Variants in EVA1C observed in about 807,000 individuals in gnomAD.
EVA1C encodes protein eva-1 homolog C.
Under a neutral mutation model 45.4 loss-of-function variants are expected in EVA1C, and 25 were observed. That is an observed-to-expected ratio of 0.55 (90% CI 0.40 to 0.77). EVA1C has a LOEUF of 0.77. Among genes scored for constraint, EVA1C ranks in the 30% least tolerant of loss-of-function variants. EVA1C has a pLI of 0.00. For missense variants in EVA1C, 479 were observed against 554.8 expected (o/e 0.86, Z 1.37); for synonymous variants, 190 against 221.2 (o/e 0.86, Z 1.25).
chr21:32,412,805 C>A lies in EVA1C; in HGVS notation c.-49C>A. 7.5e-7 allele frequency: 1 copy of A among 1,339,464 alleles called. No homozygotes were observed. The highest frequency in any genetic ancestry group is 9.5e-7 in the Non-Finnish European group (1 of 1,051,774). The allele number at this position is 1,339,464 out of a possible 1,614,324, so 83.0% of individuals were successfully genotyped here. ...TGTGACGCCGTCCTTAGCCCTGCGA[C>A]CCCCAGCGCGTCCCGGGCCTGCGCC... On this transcript the variant is annotated 5_prime_UTR_variant, in exon 1 of 8. Coordinates refer to ENST00000300255, the MANE Select transcript of EVA1C (RefSeq NM_058187.5).
At chr21:32,436,447 T>C (rs147566872) in intron 1 of EVA1C, among the ~76,000 whole-genome samples, 1 of 140,252 alleles carries the variant, frequency 7.1e-6, no homozygotes, top group East Asian at 2.1e-4. Flanking sequence ...TAAGGAAGAA[T>C]TGAAAGGAAA....
At chr21:32,512,793 C>T (rs1403671491) in intron 7 of EVA1C, among the ~76,000 whole-genome samples, 1 of 151,920 alleles carries the variant, frequency 6.6e-6, no homozygotes, top group African/African-American at 2.4e-5. Context: ...GAGTTGTGGC[C>T]CACCTTGAAA....
chr21:32,442,468 C>T (rs1182487040), intron 1 of EVA1C, among the ~76,000 whole-genome samples: 1 of 152,148 alleles, frequency 6.6e-6, no homozygotes, highest in Non-Finnish European at 1.5e-5. Flanking sequence ...GGACCCCTGA[C>T]TCATGGCTCC....
chr21:32,412,083 T>C (rs1164010747), upstream of EVA1C: 1 of 152,220 alleles, frequency 6.6e-6, no homozygotes, highest in Non-Finnish European at 1.5e-5. Context: ...AGATCCCGGC[T>C]CCGGAGCCAT....
At chr21:32,438,702 A>C (rs2035061161) in intron 1 of EVA1C, among the ~76,000 whole-genome samples, 1 of 152,094 alleles carries the variant, frequency 6.6e-6, no homozygotes, top group Non-Finnish European at 1.5e-5. Flanking sequence ...AAGTAGGTGA[A>C]TTTGCAGCTA....
intron 1 of EVA1C, among the ~76,000 whole-genome samples, chr21:32,444,340 G>A (rs138776156): frequency 1.5e-3 from 226 of 152,232 alleles, no homozygotes; most frequent in African/African-American, 4.7e-3. Flanking sequence ...CTGGGCCTCC[G>A]GAACTTCTGA....
rs147725577 is a variant in EVA1C, at chr21:32,498,314, C to T, written c.779-3101C>T. The stretch of plus-strand genomic sequence containing the variant: ...ATACAAAATTATCTGGGCATGATGG[C>T]GCATGCCTGTAATCCCAGCTACTTG... On this transcript the variant is annotated intron_variant, in intron 5 of 7. Transcript: ENST00000300255. Among the ~76,000 whole-genome samples, 109 of 152,060 alleles carry T rather than the reference C, an allele frequency of 7.2e-4. 2 individuals carry two copies. Among genetic ancestry groups the T allele is most frequent in the African/African-American group, 2.4e-3 (99 of 41,488 alleles).
At chr21:32,476,589 C>G in intron 4 of EVA1C, among the ~76,000 whole-genome samples, 2 of 152,092 alleles carry the variant, frequency 1.3e-5, no homozygotes, top group African/African-American at 4.8e-5. Context: ...TGTGGTGAGC[C>G]GAGATCGCGC....
chr21:32,470,795 G>A lies in EVA1C; in HGVS notation c.634+2947G>A, dbSNP rs377072316. On this transcript the variant is annotated intron_variant, in intron 4 of 7. Transcript: ENST00000300255. ...TTTTTTTGAGATGGAGTCTCCCTCT[G>A]TTGCCCAGGCTGGAGTGCAATGGTG... Among the ~76,000 whole-genome samples the A allele has an allele frequency of 4.1e-4, 61 of 147,404 alleles. No homozygotes were observed. In the East Asian group the frequency reaches 8.2e-3, roughly 20 times the overall value.
rs1568923890 is a variant in EVA1C at position 32,475,365 on chromosome 21, AT to A, written c.634+7518del. The stretch of plus-strand genomic sequence containing the variant: ...TATCATCATCATCATCATCATCATC[AT>A]CATTTTTATTGTTCTGCACAAACAC... On this transcript the variant is annotated intron_variant, in intron 4 of 7. Transcript: ENST00000300255. Among the ~76,000 whole-genome samples, 15 of 151,558 alleles carry A rather than the reference AT, an allele frequency of 9.9e-5. No individual in the cohort carries two copies. In the South Asian group the frequency reaches 3.2e-3, roughly 32 times the overall value.
chr21:32,436,311 C>T (rs2034949836), intron 1 of EVA1C, among the ~76,000 whole-genome samples: 1 of 152,206 alleles, frequency 6.6e-6, no homozygotes, highest in African/African-American at 2.4e-5. Flanking sequence ...ATCCACCCGC[C>T]TCGGCCTCCC....
At chr21:32,491,224 G>A (rs1427688756) in intron 4 of EVA1C, among the ~76,000 whole-genome samples, 1 of 152,206 alleles carries the variant, frequency 6.6e-6, no homozygotes, top group Non-Finnish European at 1.5e-5. Context: ...TGGGGCTGCA[G>A]TGAGACCTGC....
chr21:32,483,458 G>A (rs1413321532), intron 4 of EVA1C, among the ~76,000 whole-genome samples: 4 of 152,028 alleles, frequency 2.6e-5, no homozygotes, highest in Admixed American at 1.3e-4. Flanking sequence ...ATGAAGACCC[G>A]CCAGAGTAGC....
chr21:32,422,985 C>A (rs762748453), intron 1 of EVA1C, among the ~76,000 whole-genome samples: 1 of 142,398 alleles, frequency 7.0e-6, no homozygotes, highest in African/African-American at 2.6e-5. Flanking sequence ...GCAGGAGAAT[C>A]GCTTGAACAT....
chr21:32,438,363 G>A (rs1465905582), intron 1 of EVA1C, among the ~76,000 whole-genome samples: 1 of 151,858 alleles, frequency 6.6e-6, no homozygotes, highest in Non-Finnish European at 1.5e-5. Flanking sequence ...TGGGTGTGGT[G>A]GCACATACCT....
In EVA1C at chr21:32,498,612, G is replaced by A. The variant is rs146732029; in HGVS notation, c.779-2803G>A. 6.6e-5 allele frequency among the ~76,000 whole-genome samples: 10 copies of A among 151,868 alleles called. No individual in the cohort carries two copies. The East Asian group carries it at 1.9e-3, about 29-fold the overall frequency. On this transcript the variant is annotated intron_variant, in intron 5 of 7. Transcript: ENST00000300255. ...GTGGAGGGGGCCTAATTTAGCTTGG[G>A]GGTGGTGGTTTAATTCTTCCAAAGA...
In EVA1C at chr21:32,474,020, T is replaced by C. The variant is rs1433886051; in HGVS notation, c.634+6172T>C. 3 of 906,210 alleles carry C rather than the reference T, an allele frequency of 3.3e-6. No individual in the cohort carries two copies. Among genetic ancestry groups the C allele is most frequent in the East Asian group, 1.2e-4 (1 of 8,406 alleles). 56.1% of individuals were successfully genotyped at this position (906,210 alleles called of 1,614,324 possible). The stretch of plus-strand genomic sequence containing the variant: ...TAGCTCACTGCAAGCCTCCAACTCA[T>C]GGGCTCAAGCAATTCTCTCACCTCA... On this transcript the variant is annotated intron_variant, in intron 4 of 7. Coordinates refer to ENST00000300255, the MANE Select transcript of EVA1C (RefSeq NM_058187.5). This position sits in a 1 kb window ranked among gnomAD's most constrained non-coding sequence, Gnocchi z 4.4.
intron 1 of EVA1C, among the ~76,000 whole-genome samples, chr21:32,417,617 C>G (rs2034101141): frequency 6.6e-6 from 1 of 152,184 alleles, no homozygotes; most frequent in African/African-American, 2.4e-5. Flanking sequence ...ATAAACCTGA[C>G]TGATAGCTCT....
chr21:32,440,381 T>G (rs2035130890), intron 1 of EVA1C, among the ~76,000 whole-genome samples: 1 of 152,238 alleles, frequency 6.6e-6, no homozygotes. Context: ...CAGTTACTTT[T>G]AAATTAATCT....
Sources: allele counts gnomAD v4.1 joint callset (sites outside exome capture counted in the v4.1 genomes callset), GRCh38; gene constraint gnomAD v4.1.1; non-coding constraint Gnocchi (gnomAD v3.1); transcripts MANE v1.5; gene names NCBI Gene and HGNC (gene_info 2026-07-23, HGNC 2026-07-21).